PXDNL: variants seen among roughly 807,000 people sequenced by gnomAD.
PXDNL encodes the protein peroxidasin like, also known as probable oxidoreductase PXDNL.
In PXDNL, 145 loss-of-function variants were observed where a neutral mutation model predicts 150.8. That is an observed-to-expected ratio of 0.96 (90% CI 0.84 to 1.10). The LOEUF (loss-of-function observed/expected upper bound fraction) is 1.10, where lower values mean the gene tolerates loss of function less well. PXDNL is among the 50% of genes least tolerant of loss of function. PXDNL has a pLI of 0.00. For missense variants in PXDNL, 2,087 were observed against 1,873.9 expected (o/e 1.11, Z -2.10); for synonymous variants, 757 against 725.7 (o/e 1.04, Z -0.69).
chr8:51,618,167 G>A (rs988357924), intron 2 of PXDNL, among the ~76,000 whole-genome samples: 1 of 152,242 alleles, frequency 6.6e-6, no homozygotes, highest in African/African-American at 2.4e-5. Flanking sequence ...GCAACAGCAG[G>A]ACTGAAGCTA....
chr8:51,357,820 C>T (rs1806563114), intron 19 of PXDNL, among the ~76,000 whole-genome samples: 1 of 152,140 alleles, frequency 6.6e-6, no homozygotes, highest in African/African-American at 2.4e-5. Flanking sequence ...ACAGATTGGA[C>T]AATTCTGTCA....
chr8:51,380,122 C>T (rs949714452), intron 17 of PXDNL, among the ~76,000 whole-genome samples: 3 of 80,214 alleles, frequency 3.7e-5, no homozygotes, highest in Admixed American at 1.6e-4. Flanking sequence ...GAATAGCTGA[C>T]GAGCTAAAAA....
rs191935071 is a variant in PXDNL at position 51,787,988 on chromosome 8, A to G, written c.164+21193T>C. ...CCCTCCACCAGAAAAAAAGCTTACA[A>G]CTTGGCGAAGGCTCCAATGATCATC... On this transcript the variant is annotated intron_variant, in intron 1 of 22. Coordinates refer to ENST00000356297, the MANE Select transcript of PXDNL (RefSeq NM_144651.5). Among the ~76,000 whole-genome samples, 9 of 152,332 alleles carry G rather than the reference A, an allele frequency of 5.9e-5. No individual in the cohort carries two copies. The East Asian group carries it at 1.7e-3, about 29-fold the overall frequency.
Position 51,760,999 on chromosome 8 carries a change from C to T in PXDNL, c.164+48182G>A, listed in dbSNP as rs1194738942. Among the ~76,000 whole-genome samples the T allele has an allele frequency of 4.7e-5, 7 of 147,862 alleles. No homozygotes were observed. The East Asian group carries it at 1.2e-3, about 25-fold the overall frequency. On this transcript the variant is annotated intron_variant, in intron 1 of 22. Coordinates refer to ENST00000356297, the MANE Select transcript of PXDNL (RefSeq NM_144651.5). ...TCAGCCTCCGGAGTAGCTGGTTCGACAGGCGCCCGCCACAACGCCCGGCTA... is the reference window on the plus strand; with the variant it reads ...TCAGCCTCCGGAGTAGCTGGTTCGATAGGCGCCCGCCACAACGCCCGGCTA...
At chr8:51,347,189 T>C (rs1031717126) in intron 19 of PXDNL, among the ~76,000 whole-genome samples, 1 of 152,210 alleles carries the variant, frequency 6.6e-6, no homozygotes, top group Admixed American at 6.5e-5. Flanking sequence ...AGAGTACTTT[T>C]GTTCTGGGCA....
chr8:51,643,350 G>A (rs1814818860), intron 2 of PXDNL, among the ~76,000 whole-genome samples: 1 of 152,122 alleles, frequency 6.6e-6, no homozygotes, highest in Admixed American at 6.5e-5. Flanking sequence ...CAGAGATATA[G>A]ACCAATGGAA....
rs546305889 is a variant in PXDNL, at chr8:51,374,792, C to T, written c.3558-61G>A. Reference sequence around the variant, plus strand: ...ACTGAAAGTGGAATTGAAAATATTCCTTATGTGAATGACCACCAAGCATTA... The same window carrying T: ...ACTGAAAGTGGAATTGAAAATATTCTTTATGTGAATGACCACCAAGCATTA... On this transcript the variant is annotated intron_variant, in intron 17 of 22. Transcript: ENST00000356297. 23 of 1,557,172 alleles carry T rather than the reference C, an allele frequency of 1.5e-5. No homozygotes were observed. In the African/African-American group the frequency reaches 2.7e-4, roughly 18 times the overall value.
At chr8:51,696,790 C>CA (rs1563510230) in intron 1 of PXDNL, among the ~76,000 whole-genome samples, 3 of 58,214 alleles carry the variant, frequency 5.2e-5, no homozygotes, top group Non-Finnish European at 7.2e-5. Context: ...CACATACCCA[C>CA]CCACACATAG....
chr8:51,553,862 G>A (rs991520087), intron 4 of PXDNL, among the ~76,000 whole-genome samples: 2 of 151,584 alleles, frequency 1.3e-5, no homozygotes, highest in Admixed American at 1.3e-4. Flanking sequence ...TTAACACAGT[G>A]AACTTTTTAA....
At chr8:51,474,904 T>C in intron 7 of PXDNL, 68 bp downstream of exon 7, 1 of 1,325,852 alleles carries the variant, frequency 7.5e-7, no homozygotes, top group South Asian at 1.5e-5. Flanking sequence ...TATTATATAA[T>C]AAACCTTTAC....
intron 12 of PXDNL, among the ~76,000 whole-genome samples, chr8:51,439,940 T>C (rs1339923694): frequency 2.6e-5 from 4 of 151,822 alleles, no homozygotes; most frequent in African/African-American, 9.7e-5. Context: ...TACTTGCACA[T>C]GCAGGTTTAT....
chr8:51,744,850 AAAG>A (rs1334679018), intron 1 of PXDNL, among the ~76,000 whole-genome samples: 1 of 150,492 alleles, frequency 6.6e-6, no homozygotes, highest in African/African-American at 2.4e-5. Context: ...GGAAGGAAGG[AAAG>A]AAGGAAAGAG....
chr8:51,563,896 T>C (rs2130566950), intron 3 of PXDNL, among the ~76,000 whole-genome samples: 1 of 152,080 alleles, frequency 6.6e-6, no homozygotes, highest in South Asian at 2.1e-4. Flanking sequence ...TCCATGCAGA[T>C]TTTCAAGTAA....
rs112492123 is a variant in PXDNL, at chr8:51,525,120, TA to T, written c.381-25351del. ...GCTAAGTTTATGTGTCACCTTTATT[TA>T]AAAAAAAAAAATCTCTTTAAAATCT... On this transcript the variant is annotated intron_variant, in intron 4 of 22. Coordinates refer to ENST00000356297, the MANE Select transcript of PXDNL (RefSeq NM_144651.5). Among the ~76,000 whole-genome samples, 1,225 of 148,296 alleles carry T rather than the reference TA, an allele frequency of 8.3e-3. 9 individuals carry two copies. Among genetic ancestry groups the T allele is most frequent in the African/African-American group, 0.025 (1,025 of 40,610 alleles).
intron 19 of PXDNL, among the ~76,000 whole-genome samples, chr8:51,359,300 C>G (rs1586031989): frequency 6.6e-6 from 1 of 151,826 alleles, no homozygotes; most frequent in South Asian, 2.1e-4. Context: ...ATAATACAAA[C>G]AGGGCATTTC....
At chr8:51,601,081 T>C (rs1343270520) in intron 2 of PXDNL, among the ~76,000 whole-genome samples, 1 of 149,442 alleles carries the variant, frequency 6.7e-6, no homozygotes, top group Non-Finnish European at 1.5e-5. Flanking sequence ...TATAATAAAG[T>C]TATATCTTGG....
intron 1 of PXDNL, among the ~76,000 whole-genome samples, chr8:51,717,924 T>A (rs1816650631): frequency 6.6e-6 from 1 of 152,224 alleles, no homozygotes; most frequent in South Asian, 2.1e-4. Flanking sequence ...CAAAACCTTA[T>A]TGTCACCTAA....
At chr8:51,467,081 A>G (rs1171223503) in intron 8 of PXDNL, among the ~76,000 whole-genome samples, 2 of 152,188 alleles carry the variant, frequency 1.3e-5, no homozygotes, top group African/African-American at 4.8e-5. Context: ...AAAAAGACCC[A>G]TGTGTCTGTA....
intron 5 of PXDNL, among the ~76,000 whole-genome samples, chr8:51,487,184 AAGTTTATACAG>A (rs1810785788): frequency 6.6e-6 from 1 of 152,092 alleles, no homozygotes; most frequent in Non-Finnish European, 1.5e-5. Flanking sequence ...CTTTTATACA[AAGTTTATACAG>A]AGTTTATACA....
Sources: gnomAD v4.1 joint callset for allele counts (sites outside exome capture counted in the v4.1 genomes callset) on GRCh38, gnomAD v4.1.1 for gene constraint, MANE v1.5 for transcripts, NCBI Gene and HGNC (gene_info 2026-07-23, HGNC 2026-07-21) for gene names.